Variants in NLK observed in about 807,000 individuals in gnomAD.
NLK encodes the protein serine/threonine-protein kinase NLK.
In NLK, 11 loss-of-function variants were observed where a neutral mutation model predicts 59.0. The observed-to-expected ratio is 0.19, with a 90% CI of 0.12 to 0.31. NLK has a LOEUF of 0.31. Among genes scored for constraint, NLK ranks in the 10% least tolerant of loss-of-function variants. The pLI is 1.00. For synonymous variants in NLK, 235 were observed against 235.9 expected, an observed-to-expected ratio of 1.00 and a Z score of 0.03; for missense variants, 410 against 661.1, an observed-to-expected ratio of 0.62 and a Z score of 4.16.
intron 7 of NLK, among the ~76,000 whole-genome samples, chr17:28,175,726 C>T (rs1233275942): frequency 1.3e-5 from 2 of 152,118 alleles, no homozygotes; most frequent in Admixed American, 6.5e-5. Context: ...AGAATAGTGC[C>T]TGGCACATAC....
At chr17:28,143,246 G>A in intron 3 of NLK, among the ~76,000 whole-genome samples, 1 of 152,064 alleles carries the variant, frequency 6.6e-6, no homozygotes, top group East Asian at 1.9e-4. Flanking sequence ...ATTTCACCAT[G>A]TTGGCCAGGA....
chr17:28,187,840 T>C (rs1318133757), intron 8 of NLK, among the ~76,000 whole-genome samples: 1 of 152,142 alleles, frequency 6.6e-6, no homozygotes, highest in East Asian at 1.9e-4. Context: ...GGAGAAAGAT[T>C]TATCTGGTAA....
intron 1 of NLK, among the ~76,000 whole-genome samples, chr17:28,111,818 T>A (rs933376176): frequency 1.3e-5 from 2 of 150,248 alleles, no homozygotes; most frequent in African/African-American, 4.9e-5. Flanking sequence ...TGGCTATTGG[T>A]TAAAGGTTGT....
chr17:28,081,053 CT>C (rs1309645114), intron 1 of NLK, among the ~76,000 whole-genome samples: 201 of 144,162 alleles, frequency 1.4e-3, no homozygotes, highest in African/African-American at 3.2e-3. Flanking sequence ...CCACACCTGG[CT>C]TTTTTTTTTT....
intron 6 of NLK, 103 bp from the exon 7 acceptor site, chr17:28,172,414 T>C: frequency 3.4e-6 from 2 of 588,992 alleles, no homozygotes; most frequent in Non-Finnish European, 5.2e-6. Context: ...GTCTTAAGGT[T>C]TTTTCCCCCA....
chr17:28,078,461 G>A (rs896872835), intron 1 of NLK, among the ~76,000 whole-genome samples: 2 of 152,110 alleles, frequency 1.3e-5, no homozygotes, highest in Non-Finnish European at 2.9e-5. Context: ...CCTCTTGGTA[G>A]CAATATTGAA....
chr17:28,153,996 A>G (rs3859290), intron 3 of NLK, among the ~76,000 whole-genome samples: 1 of 152,110 alleles, frequency 6.6e-6, no homozygotes, highest in Admixed American at 6.5e-5. Flanking sequence ...GGTCACACAT[A>G]TGTGTGGCCA....
At chr17:28,050,488 A>G (rs1385690985) in intron 1 of NLK, among the ~76,000 whole-genome samples, 13 of 152,122 alleles carry the variant, frequency 8.5e-5, no homozygotes, top group Admixed American at 8.5e-4. Context: ...AGATTTTACG[A>G]GGGGATGATT....
At position 28,178,310 on chromosome 17, in the gene NLK, G is replaced by A. The variant is rs572028282; in HGVS notation, c.1149+5692G>A. Reference sequence around the variant, plus strand: ...CTGGGTCAGGTGCCCATCCTTAGGAGTTGGGAGATTGCAATCAAGCCTAAT... The same window carrying A: ...CTGGGTCAGGTGCCCATCCTTAGGAATTGGGAGATTGCAATCAAGCCTAAT... On this transcript the variant is annotated intron_variant, in intron 7 of 10. Coordinates refer to ENST00000407008, the MANE Select transcript of NLK (RefSeq NM_016231.5). Among the ~76,000 whole-genome samples, 10 of 152,306 alleles carry A rather than the reference G, an allele frequency of 6.6e-5. No homozygotes were observed. In the East Asian group the frequency reaches 1.9e-3, roughly 29 times the overall value.
chr17:28,198,353 G>C (rs1056082176), downstream of NLK, among the ~76,000 whole-genome samples: 5 of 151,134 alleles, frequency 3.3e-5, no homozygotes, highest in Non-Finnish European at 7.4e-5. Context: ...TTTTGAGGCA[G>C]GTCTCTGTCA....
At chr17:28,084,477 A>G (rs944701071) in intron 1 of NLK, among the ~76,000 whole-genome samples, 1 of 152,202 alleles carries the variant, frequency 6.6e-6, no homozygotes, top group Non-Finnish European at 1.5e-5. Flanking sequence ...CAATCCAAAA[A>G]GAGGTGGTAA....
At position 28,132,517 on chromosome 17, in the gene NLK, A is replaced by C. The variant is rs1004976777; in HGVS notation, c.589-103A>C. On this transcript the variant is annotated intron_variant, in intron 2 of 10. Transcript: ENST00000407008. ...TAATTTTCAGTGGGCAATTGTAACT[A>C]AGCTTTAAAGCATTAAAGAGTTGTT... 17 of 830,580 alleles carry C rather than the reference A, an allele frequency of 2.0e-5. No homozygotes were observed. The African/African-American group carries it at 2.8e-4, about 14-fold the overall frequency. 51.5% of individuals were successfully genotyped at this position (830,580 alleles called of 1,614,324 possible).
At chr17:28,200,110 G>T (rs1232105212), downstream of NLK, among the ~76,000 whole-genome samples, 1 of 152,138 alleles carries the variant, frequency 6.6e-6, no homozygotes, top group African/African-American at 2.4e-5. Context: ...TCTGTAGCTG[G>T]TTTTTTCATT....
chr17:28,111,896 G>GGTGTGTGT lies in NLK; in HGVS notation c.459-10664_459-10657dup, dbSNP rs747211468. 9.1e-3 allele frequency among the ~76,000 whole-genome samples: 612 copies of GGTGTGTGT among 67,504 alleles called. 18 individuals carry two copies. Among genetic ancestry groups the GGTGTGTGT allele is most frequent in the Non-Finnish European group, 0.012 (425 of 36,734 alleles). The allele number at this position is 67,504 out of a possible 152,430, so 44.3% of individuals were successfully genotyped here. ...TGTGTGTGTGTGTGTGTGTGTGTGT[G>GGTGTGTGT]GTGTGTGTGTGTGTGTGTGTGTGTG... On this transcript the variant is annotated intron_variant, in intron 1 of 10. Coordinates refer to ENST00000407008, the MANE Select transcript of NLK (RefSeq NM_016231.5).
intron 3 of NLK, among the ~76,000 whole-genome samples, chr17:28,148,746 C>T (rs1005612321): frequency 2.6e-5 from 4 of 152,024 alleles, no homozygotes; most frequent in Non-Finnish European, 2.9e-5. Flanking sequence ...CAGATAAATC[C>T]TCTGCAAATG....
chr17:28,046,124 A>G (rs185266668), intron 1 of NLK, among the ~76,000 whole-genome samples: 2 of 152,326 alleles, frequency 1.3e-5, no homozygotes, highest in Admixed American at 1.3e-4. Flanking sequence ...CAATTTTGAG[A>G]GAGATTGTTG....
downstream of NLK, among the ~76,000 whole-genome samples, chr17:28,200,775 C>T (rs565139245): frequency 1.3e-5 from 2 of 152,344 alleles, no homozygotes; most frequent in Admixed American, 6.5e-5. Context: ...AGCCACCACG[C>T]CCGGCCAACT....
chr17:28,169,352 A>G (rs1908371476), intron 6 of NLK, among the ~76,000 whole-genome samples: 1 of 152,230 alleles, frequency 6.6e-6, no homozygotes, highest in Non-Finnish European at 1.5e-5. Context: ...CTTAGAATAT[A>G]AATTTTTAGT....
At chr17:28,163,152 G>A (rs1184871438) in intron 4 of NLK, among the ~76,000 whole-genome samples, 3 of 152,220 alleles carry the variant, frequency 2.0e-5, no homozygotes, top group Non-Finnish European at 4.4e-5. Flanking sequence ...AAGGCTCCCT[G>A]TAGTAATGGA....
Sources: gnomAD v4.1 joint callset for allele counts (sites outside exome capture counted in the v4.1 genomes callset) on GRCh38, gnomAD v4.1.1 for gene constraint, MANE v1.5 for transcripts, NCBI Gene and HGNC (gene_info 2026-07-23, HGNC 2026-07-21) for gene names.